HPSE2: variants seen among roughly 807,000 people sequenced by gnomAD.
HPSE2 encodes the protein heparanase 2 (inactive).
Under a neutral mutation model 60.5 loss-of-function variants are expected in HPSE2, and 38 were observed. The ratio of observed to expected loss-of-function variants is 0.63; its 90% CI spans 0.48 to 0.82. The LOEUF is 0.82. Among genes scored for constraint, HPSE2 ranks in the 40% least tolerant of loss-of-function variants. The pLI is 0.00. For synonymous variants in HPSE2, 295 were observed against 293.2 expected (o/e 1.01, Z -0.06); for missense variants, 713 against 740.4 (o/e 0.96, Z 0.43).
chr10:99,132,137 GAAAGAAAGGAA>G (rs1295436747), intron 3 of HPSE2, among the ~76,000 whole-genome samples: 8 of 53,366 alleles, frequency 1.5e-4, no homozygotes, highest in East Asian at 6.8e-4. Flanking sequence ...AGAAAGGAAA[GAAAGAAAGGAA>G]GAAAGAAAGA....
At chr10:99,015,563 C>G (rs1366216069) in intron 3 of HPSE2, among the ~76,000 whole-genome samples, 4 of 151,044 alleles carry the variant, frequency 2.6e-5, no homozygotes, top group Non-Finnish European at 5.9e-5. Flanking sequence ...CAAACTATCA[C>G]AAGGACAAAA....
At chr10:99,064,407 G>A (rs1327288270) in intron 3 of HPSE2, among the ~76,000 whole-genome samples, 1 of 152,068 alleles carries the variant, frequency 6.6e-6, no homozygotes, top group Non-Finnish European at 1.5e-5. Flanking sequence ...CTCATAAGCA[G>A]TGTAAGTTAC....
At chr10:99,154,086 G>T (rs144184937) in intron 2 of HPSE2, among the ~76,000 whole-genome samples, 5 of 148,298 alleles carry the variant, frequency 3.4e-5, no homozygotes, top group Admixed American at 2.7e-4. Flanking sequence ...AAGCCTCCAA[G>T]AAATATGAGA....
chr10:98,714,136 T>G (rs1483491827), intron 5 of HPSE2, among the ~76,000 whole-genome samples: 1 of 151,994 alleles, frequency 6.6e-6, no homozygotes, highest in African/African-American at 2.4e-5. Flanking sequence ...TCTCTGTCTC[T>G]GTATAAAGCT....
chr10:98,761,237 A>C (rs1949997624), intron 3 of HPSE2, among the ~76,000 whole-genome samples: 1 of 152,122 alleles, frequency 6.6e-6, no homozygotes, highest in African/African-American at 2.4e-5. Flanking sequence ...AATAAAAATG[A>C]GAACAGAAAT....
intron 3 of HPSE2, among the ~76,000 whole-genome samples, chr10:98,851,200 A>G (rs1952166064): frequency 6.6e-6 from 1 of 152,212 alleles, no homozygotes; most frequent in Non-Finnish European, 1.5e-5. Flanking sequence ...ACCTTATAGA[A>G]TATTTGAAGT....
At chr10:99,006,037 G>A (rs1249558365) in intron 3 of HPSE2, among the ~76,000 whole-genome samples, 5 of 152,136 alleles carry the variant, frequency 3.3e-5, no homozygotes, top group African/African-American at 1.2e-4. Flanking sequence ...CTGGAGCCTA[G>A]GTCACAGAGG....
intron 9 of HPSE2, among the ~76,000 whole-genome samples, chr10:98,548,989 T>C (rs1357717570): frequency 1.3e-5 from 2 of 152,172 alleles, no homozygotes; most frequent in Non-Finnish European, 2.9e-5. Context: ...TTCGCCCACT[T>C]GCAGCAGATA....
At chr10:99,138,964 A>G (rs1289747065) in intron 3 of HPSE2, among the ~76,000 whole-genome samples, 1 of 152,226 alleles carries the variant, frequency 6.6e-6, no homozygotes, top group Non-Finnish European at 1.5e-5. Flanking sequence ...AGAAGCCACT[A>G]TATCAAAAAG....
chr10:99,104,813 C>CA (rs1844170240), intron 3 of HPSE2, among the ~76,000 whole-genome samples: 1 of 151,558 alleles, frequency 6.6e-6, no homozygotes, highest in African/African-American at 2.4e-5. Context: ...ATTGCAAGGA[C>CA]AAAAAACCAA....
intron 3 of HPSE2, among the ~76,000 whole-genome samples, chr10:99,030,352 T>A (rs575916871): frequency 3.4e-4 from 52 of 152,312 alleles, no homozygotes; most frequent in African/African-American, 1.2e-3. Flanking sequence ...CAGACATTTC[T>A]GAAAAGAAGA....
intron 11 of HPSE2, among the ~76,000 whole-genome samples, chr10:98,462,461 G>A (rs1267196122): frequency 6.6e-6 from 1 of 152,182 alleles, no homozygotes; most frequent in African/African-American, 2.4e-5. Flanking sequence ...TTACAGGCAT[G>A]AGCCACCGTG....
intron 6 of HPSE2, among the ~76,000 whole-genome samples, chr10:98,679,404 T>C (rs1235517006): frequency 6.6e-6 from 1 of 152,194 alleles, no homozygotes; most frequent in Non-Finnish European, 1.5e-5. Context: ...CCAGAGTCCA[T>C]ATGACATGTG....
At chr10:98,777,240 G>T (rs1248222557) in intron 3 of HPSE2, among the ~76,000 whole-genome samples, 1 of 151,990 alleles carries the variant, frequency 6.6e-6, no homozygotes, top group Non-Finnish European at 1.5e-5. Flanking sequence ...TATCACCTTG[G>T]GCAGGCTTAA....
intron 1 of HPSE2, among the ~76,000 whole-genome samples, chr10:99,234,820 G>A (rs2133957077): frequency 6.6e-6 from 1 of 151,676 alleles, no homozygotes; most frequent in East Asian, 1.9e-4. Context: ...AAGCTAAACT[G>A]TGCAGTTACC....
At chr10:98,963,230 CTT>C (rs893883187) in intron 3 of HPSE2, among the ~76,000 whole-genome samples, 1 of 152,134 alleles carries the variant, frequency 6.6e-6, no homozygotes, top group Non-Finnish European at 1.5e-5. Context: ...TATTATAACT[CTT>C]TGTTTTCTGA....
At chr10:99,098,219 A>C (rs1282256565) in intron 3 of HPSE2, among the ~76,000 whole-genome samples, 9 of 152,246 alleles carry the variant, frequency 5.9e-5, no homozygotes, top group Non-Finnish European at 1.0e-4. Context: ...AAAATAATAT[A>C]AATTTAAAAA....
At chr10:98,517,430 A>C (rs1190932999) in intron 9 of HPSE2, among the ~76,000 whole-genome samples, 1 of 152,190 alleles carries the variant, frequency 6.6e-6, no homozygotes, top group Non-Finnish European at 1.5e-5. Flanking sequence ...ACACTGGTTC[A>C]TTCCCTTCCC....
chr10:98,979,971 G>A (rs1956169587), intron 3 of HPSE2, among the ~76,000 whole-genome samples: 1 of 152,120 alleles, frequency 6.6e-6, no homozygotes, highest in Non-Finnish European at 1.5e-5. Flanking sequence ...TTTTTGTATG[G>A]CTTAGTTGAA....
Sources: gnomAD v4.1 joint callset for allele counts (sites outside exome capture counted in the v4.1 genomes callset) on GRCh38, gnomAD v4.1.1 for gene constraint, MANE v1.5 for transcripts, NCBI Gene and HGNC (gene_info 2026-07-23, HGNC 2026-07-21) for gene names.